Variants in PTCHD4 observed in about 807,000 individuals in gnomAD.
The protein encoded by PTCHD4 is patched domain containing 4.
PTCHD4 carries 33 observed loss-of-function variants against 58.1 expected under a neutral mutation model. That is an observed-to-expected ratio of 0.57 (90% CI 0.43 to 0.76). The LOEUF is 0.76. Among genes scored for constraint, PTCHD4 ranks in the 30% least tolerant of loss-of-function variants. The pLI is 0.00. For missense variants in PTCHD4, 1,058 were observed against 1,027.1 expected (o/e 1.03, Z -0.41); for synonymous variants, 478 against 409.6 (o/e 1.17, Z -2.02).
chr6:48,069,358 G>C lies in PTCHD4; in HGVS notation c.-401C>G, dbSNP rs1764927508. Among the ~76,000 whole-genome samples the C allele has an allele frequency of 1.3e-5, 2 of 152,142 alleles. No individual in the cohort carries two copies. The highest frequency in any genetic ancestry group is 1.3e-4 in the Admixed American group (2 of 15,284). The stretch of plus-strand genomic sequence containing the variant: ...AGGGCAATTAGAGCCCAAGGAGTGG[G>C]GCATGGAGGGAGACAGCCCCAGGGC... On this transcript the variant is annotated 5_prime_UTR_variant, in exon 2 of 5. Transcript: ENST00000339488.
chr6:47,901,582 A>G, intron 4 of PTCHD4: 12 of 1,049,360 alleles, frequency 1.1e-5, no homozygotes, highest in South Asian at 3.4e-5. Context: ...GATTTAAACC[A>G]ATTTAGTTTC....
At chr6:47,896,485 G>A (rs7742880) in intron 4 of PTCHD4, among the ~76,000 whole-genome samples, 101,542 of 152,090 alleles carry the variant, frequency 0.67, 34,236 homozygotes, top group Admixed American at 0.76. Context: ...GTTGCCTGCC[G>A]CTTCAATGCT....
rs754613896 is a variant in PTCHD4, at chr6:47,878,591, G to A, written c.2244C>T (p.Ser748=). ...AAATGGCTGTCCCATGGTCTTGCAA[G>A]GAGCTTTTTATACATTGTGTTCGGG... is the stretch of plus-strand genomic sequence containing the variant. The part of the protein sequence containing the change: ...EHTRTQCIKS[S]LQDHGTAILQ... The change falls in exon 5 of 5, where the codon TCC becomes TCT. Residue 748 remains serine, a synonymous_variant. Transcript: ENST00000339488. 6.2e-7 allele frequency: 1 copy of A among 1,613,606 alleles called. No homozygotes were observed.
intron 4 of PTCHD4, among the ~76,000 whole-genome samples, chr6:47,998,244 G>C (rs1369709808): frequency 6.6e-6 from 1 of 152,050 alleles, no homozygotes; most frequent in African/African-American, 2.4e-5. Context: ...AGAAATGGAA[G>C]TACCTGCCAT....
intron 4 of PTCHD4, among the ~76,000 whole-genome samples, chr6:47,929,208 C>T (rs1765728396): frequency 6.6e-6 from 1 of 151,780 alleles, no homozygotes; most frequent in African/African-American, 2.4e-5. Flanking sequence ...TAAAATAATC[C>T]ACATGTAAAA....
intron 4 of PTCHD4, among the ~76,000 whole-genome samples, chr6:47,926,046 A>T (rs1030519015): frequency 1.3e-5 from 2 of 152,136 alleles, no homozygotes; most frequent in African/African-American, 4.8e-5. Context: ...ATACAACTGC[A>T]TTCAAAGGTG....
intron 3 of PTCHD4, among the ~76,000 whole-genome samples, chr6:48,057,785 A>C (rs1029221646): frequency 1.1e-4 from 16 of 152,204 alleles, no homozygotes; most frequent in African/African-American, 3.9e-4. Flanking sequence ...AGCTAAGGGA[A>C]GTTCTCAGTG....
chr6:47,977,643 A>C (rs1581963358), intron 4 of PTCHD4, among the ~76,000 whole-genome samples: 1 of 152,236 alleles, frequency 6.6e-6, no homozygotes, highest in Admixed American at 6.5e-5. Context: ...TATAATTGCT[A>C]TTGTTTTATG....
intron 4 of PTCHD4, among the ~76,000 whole-genome samples, chr6:47,974,104 C>T (rs917995757): frequency 2.0e-5 from 3 of 152,180 alleles, no homozygotes; most frequent in South Asian, 4.2e-4. Context: ...AAGAAGAAGA[C>T]GGGAATGAGT....
chr6:48,009,101 C>G lies in PTCHD4; in HGVS notation c.431G>C (p.Ser144Thr), dbSNP rs1238971459. The G allele has an allele frequency of 1.2e-6, 2 of 1,606,530 alleles. No homozygotes were observed. Among genetic ancestry groups the G allele is most frequent in the Admixed American group, 1.7e-5 (1 of 58,982 alleles). Residue 144 changes from serine to threonine, a missense_variant, in exon 4 of 5, where the codon AGT (serine) becomes ACT (threonine). Coordinates refer to ENST00000339488, the MANE Select transcript of PTCHD4 (RefSeq NM_001384253.1). ...CCCGCCCAGTTGGTGTCCAATAAAACTGTTCCTCCCATCCTTGAAAACAGA... is the reference window on the plus strand; with the variant it reads ...CCCGCCCAGTTGGTGTCCAATAAAAGTGTTCCTCCCATCCTTGAAAACAGA... Reference protein sequence around the residue: ...AVLEMKDGRNSFIGHQLGGVV... With the variant: ...AVLEMKDGRNTFIGHQLGGVV...
intron 4 of PTCHD4, among the ~76,000 whole-genome samples, chr6:47,882,597 T>A (rs550048748): frequency 6.6e-6 from 1 of 151,790 alleles, no homozygotes; most frequent in Non-Finnish European, 1.5e-5. Flanking sequence ...TCATTAGTCT[T>A]ATCTTCTTAG....
In PTCHD4 at chr6:48,080,552, TG is replaced by T. The variant is rs922264102; in HGVS notation, c.-969-10627del. Among the ~76,000 whole-genome samples the T allele has an allele frequency of 2.6e-5, 4 of 152,198 alleles. 1 individual carries two copies. The South Asian group carries it at 6.2e-4, about 24-fold the overall frequency. On this transcript the variant is annotated intron_variant, in intron 1 of 4. Transcript: ENST00000339488. ...CTTCCTACATAGACTGTAGGCTTCCTGGGGGGAATTCCTAATGCTCTCTAGA... is the reference window on the plus strand; with the variant it reads ...CTTCCTACATAGACTGTAGGCTTCCTGGGGGAATTCCTAATGCTCTCTAGA...
chr6:47,902,502 G>T (rs575117940), intron 4 of PTCHD4, among the ~76,000 whole-genome samples: 1 of 152,152 alleles, frequency 6.6e-6, no homozygotes, highest in African/African-American at 2.4e-5. Context: ...GAAAGTTTGC[G>T]TGAAGGAAAT....
At position 47,986,932 on chromosome 6, in the gene PTCHD4, A is replaced by G. The variant is rs553570516; in HGVS notation, c.898+21702T>C. Among the ~76,000 whole-genome samples the G allele has an allele frequency of 1.8e-4, 27 of 152,158 alleles. No homozygotes were observed. In the South Asian group the frequency reaches 5.6e-3, roughly 32 times the overall value. On this transcript the variant is annotated intron_variant, in intron 4 of 4. Coordinates refer to ENST00000339488, the MANE Select transcript of PTCHD4 (RefSeq NM_001384253.1). ...CAACAGTGGTGTGTTGCAGCGTCAT[A>G]CTCTGGATAAAGTCAATTTGCTGCA...
chr6:47,927,127 C>T (rs1283090737), intron 4 of PTCHD4, among the ~76,000 whole-genome samples: 1 of 152,164 alleles, frequency 6.6e-6, no homozygotes, highest in African/African-American at 2.4e-5. Flanking sequence ...TTTCTCAGGA[C>T]TAACCAAAAG....
chr6:47,880,232 CT>C (rs1313659882), intron 4 of PTCHD4, among the ~76,000 whole-genome samples: 5 of 152,118 alleles, frequency 3.3e-5, no homozygotes, highest in African/African-American at 1.2e-4. Context: ...TGTTTTTCCC[CT>C]GAACACATAT....
intron 4 of PTCHD4, among the ~76,000 whole-genome samples, chr6:47,910,647 A>G (rs1471849800): frequency 6.6e-6 from 1 of 152,026 alleles, no homozygotes; most frequent in Admixed American, 6.6e-5. Context: ...TATTTTTTAA[A>G]TCTCTGGTAT....
intron 1 of PTCHD4, among the ~76,000 whole-genome samples, chr6:48,070,157 A>G (rs7760274): frequency 0.02 from 2,076 of 103,744 alleles, 31 homozygotes; most frequent in East Asian, 0.086. Flanking sequence ...GTGTGTGTGT[A>G]TATATATATA....
At chr6:47,965,928 A>C (rs1487291032) in intron 4 of PTCHD4, among the ~76,000 whole-genome samples, 1 of 152,118 alleles carries the variant, frequency 6.6e-6, no homozygotes, top group East Asian at 1.9e-4. Context: ...AAAACCAAAA[A>C]CAAACAAACA....
Sources: allele counts gnomAD v4.1 joint callset (sites outside exome capture counted in the v4.1 genomes callset), GRCh38; gene constraint gnomAD v4.1.1; transcripts MANE v1.5; gene names NCBI Gene and HGNC (gene_info 2026-07-23, HGNC 2026-07-21).